The following ANK3 variants were observed in gnomAD, a reference collection of about 807,000 sequenced individuals.
The protein encoded by ANK3 is ankyrin 3, also known as ankyrin-3.
A neutral mutation model predicts 370.9 loss-of-function variants in ANK3; 57 were observed. The ratio of observed to expected loss-of-function variants is 0.15; its 90% confidence interval spans 0.12 to 0.19. The LOEUF (loss-of-function observed/expected upper bound fraction) is 0.19, where lower values mean the gene tolerates loss of function less well. Ranked by LOEUF, ANK3 falls within the 10% of genes least tolerant of loss-of-function variation. The pLI, the probability that ANK3 is intolerant of heterozygous loss-of-function variation, is 1.00. For synonymous variants in ANK3, 1,929 were observed against 1,946.3 expected, an observed-to-expected ratio of 0.99 and a Z score of 0.23; for missense variants, 4,439 against 5,302.1, an observed-to-expected ratio of 0.84 and a Z score of 5.06.
intron 2 of ANK3, among the ~76,000 whole-genome samples, chr10:60,537,157 T>C (rs2133209421): frequency 1.3e-5 from 2 of 152,154 alleles, no homozygotes; most frequent in Non-Finnish European, 2.9e-5. Flanking sequence ...CACATTCAAT[T>C]AAACAAAAGT....
intron 25 of ANK3, among the ~76,000 whole-genome samples, chr10:60,123,064 A>G (rs1357739852): frequency 6.6e-6 from 1 of 152,186 alleles, no homozygotes; most frequent in Admixed American, 6.5e-5. Context: ...AGAGTAATGG[A>G]GCCATTTGAC....
At chr10:60,504,194 T>C (rs984491431) in intron 2 of ANK3, among the ~76,000 whole-genome samples, 9 of 152,300 alleles carry the variant, frequency 5.9e-5, no homozygotes, top group South Asian at 2.1e-4. Context: ...GAGTAAAACC[T>C]TGATGGACAT....
chr10:60,581,284 C>T (rs747276436), intron 2 of ANK3, among the ~76,000 whole-genome samples: 57 of 152,232 alleles, frequency 3.7e-4, no homozygotes, highest in Middle Eastern at 6.8e-3. Flanking sequence ...GGCCATTTCT[C>T]GCACACCACC....
chr10:60,116,159 T>C (rs756039114), intron 25 of ANK3, among the ~76,000 whole-genome samples: 3 of 152,088 alleles, frequency 2.0e-5, no homozygotes, highest in Non-Finnish European at 4.4e-5. Context: ...GGCAGGAGAC[T>C]AGAAGGCTAG....
At chr10:60,715,215 A>ATGCG (rs1554815935) in intron 1 of ANK3, among the ~76,000 whole-genome samples, 35 of 147,298 alleles carry the variant, frequency 2.4e-4, no homozygotes, top group African/African-American at 8.8e-4. Flanking sequence ...ACATATACAA[A>ATGCG]TGTGTGTGTG....
intron 41 of ANK3, among the ~76,000 whole-genome samples, chr10:60,058,665 T>C (rs2079694851): frequency 1.3e-5 from 2 of 152,216 alleles, no homozygotes; most frequent in African/African-American, 4.8e-5. Flanking sequence ...AATCTGCATT[T>C]TAAGTTTTAA....
chr10:60,272,453 T>TTTG (rs145292305), intron 4 of ANK3, among the ~76,000 whole-genome samples: 17,003 of 144,130 alleles, frequency 0.12, 1,138 homozygotes, highest in South Asian at 0.16. Flanking sequence ...TTAGAAGTTT[T>TTTG]TTGTTGTTGT....
At chr10:60,684,394 A>G in intron 1 of ANK3, 2 of 593,486 alleles carry the variant, frequency 3.4e-6, no homozygotes, top group East Asian at 3.9e-5. Context: ...CGTTGAGTGA[A>G]GGGGAGGGAA....
At chr10:60,360,113 CCA>C (rs1302143341) in intron 1 of ANK3, among the ~76,000 whole-genome samples, 1 of 152,160 alleles carries the variant, frequency 6.6e-6, no homozygotes, top group Non-Finnish European at 1.5e-5. Context: ...AGCTTCTTAA[CCA>C]CAGTTTCAAA....
chr10:60,260,990 C>T lies in ANK3; in HGVS notation c.798+869G>A, dbSNP rs560735211. Among the ~76,000 whole-genome samples the T allele has an allele frequency of 5.9e-5, 9 of 152,268 alleles. No homozygotes were observed. The East Asian group carries it at 7.7e-4, about 13-fold the overall frequency. On this transcript the variant is annotated intron_variant, in intron 7 of 43. Transcript: ENST00000280772. ...TTAGTGATGATACTACATCAGGCAC[C>T]GGCTGAGTGATTTACATATGCTATC...
chr10:60,707,095 T>C (rs970630581), intron 1 of ANK3, among the ~76,000 whole-genome samples: 1 of 152,152 alleles, frequency 6.6e-6, no homozygotes, highest in Non-Finnish European at 1.5e-5. Context: ...GTAATGTCAC[T>C]TTTTTGCCAA....
In ANK3 at chr10:60,074,012, A is replaced by G; in HGVS notation, c.6869T>C (p.Leu2290Pro). The G allele has an allele frequency of 3.1e-6, 5 of 1,614,100 alleles. No homozygotes were observed. The highest frequency in any genetic ancestry group is 4.2e-6 in the Non-Finnish European group (5 of 1,180,002). ...FQSGRDPSKE[L>P]AGLFEHKSAV... is the part of the protein sequence containing the mutation. ...CGACTTATGTTCAAACAGACCTGCC[A>G]GTTCTTTGGAAGGATCCCGCCCGGA... Residue 2290 changes from leucine to proline, a missense_variant, in exon 37 of 44, where the codon CTG becomes CCG. Coordinates refer to ENST00000280772, the MANE Select transcript of ANK3 (RefSeq NM_020987.5).
intron 8 of ANK3, among the ~76,000 whole-genome samples, chr10:60,223,568 A>G (rs1185538349): frequency 6.6e-6 from 1 of 152,218 alleles, no homozygotes; most frequent in African/African-American, 2.4e-5. Flanking sequence ...TACTGAGTAA[A>G]TGAATGAATG....
In ANK3 at chr10:60,029,634, T is replaced by C. The variant is rs2072813027; in HGVS notation, c.*212A>G. 1 of 152,570 alleles carries C rather than the reference T, an allele frequency of 6.6e-6. No individual in the cohort carries two copies. Among genetic ancestry groups the C allele is most frequent in the Admixed American group, 6.5e-5 (1 of 15,274 alleles). The allele number at this position is 152,570 out of a possible 1,614,324, so 9.5% of individuals were successfully genotyped here. A position where few individuals can be genotyped will look rare whatever the true frequency, so the allele number is the denominator to read the frequency against. ...GCGCCAATCCGGAAATGAAAGTGAT[T>C]TCCATGCTCTGTAAATTGGCTCATG... On this transcript the variant is annotated 3_prime_UTR_variant, in exon 44 of 44. Transcript: ENST00000280772.
chr10:60,134,321 C>T lies in ANK3; in HGVS notation c.2791G>A (p.Ala931Thr). 6.2e-7 allele frequency: 1 copy of T among 1,613,918 alleles called. No homozygotes were observed. Residue 931 changes from alanine (A) to threonine (T), a missense_variant, in exon 25 of 44, where the codon GCA (alanine) becomes ACA (threonine). Ala to Thr is a moderately conservative substitution (Grantham distance 58). Around this residue, in one of 13 missense-constraint regions of ANK3, gnomAD observed 702 missense variants for 941.5 expected, o/e 0.75. Coordinates refer to ENST00000280772, the MANE Select transcript of ANK3 (RefSeq NM_020987.5). ...TCTTCAATCATCATGCTGTCCCGTG[C>T]ATAGGAGCTTCTGTTCAAGGTGTAA... ...RSYTLNRSSYARDSMMIEELL... is the reference protein window; with the variant it reads ...RSYTLNRSSYTRDSMMIEELL...
At chr10:60,467,589 T>G (rs2065039295) in intron 2 of ANK3, among the ~76,000 whole-genome samples, 1 of 152,222 alleles carries the variant, frequency 6.6e-6, no homozygotes, top group African/African-American at 2.4e-5. Flanking sequence ...TAATCTTTTA[T>G]GAAAACATCT....
At chr10:60,607,428 A>G (rs915133203) in intron 2 of ANK3, among the ~76,000 whole-genome samples, 6 of 152,140 alleles carry the variant, frequency 3.9e-5, no homozygotes, top group African/African-American at 1.4e-4. Context: ...AAAAAAAATT[A>G]CTAACGGAGG....
chr10:60,466,256 C>T (rs543196809), intron 2 of ANK3, among the ~76,000 whole-genome samples: 121 of 152,210 alleles, frequency 7.9e-4, no homozygotes, highest in African/African-American at 2.8e-3. Flanking sequence ...GATTCATTTT[C>T]TTTCTCTTCA....
intron 2 of ANK3, among the ~76,000 whole-genome samples, chr10:60,473,709 C>T (rs1268703082): frequency 6.6e-6 from 1 of 152,036 alleles, no homozygotes; most frequent in Non-Finnish European, 1.5e-5. Context: ...AACCCAAGGG[C>T]AAATGTGGAC....
Sources: gnomAD v4.1 joint callset for allele counts (sites outside exome capture counted in the v4.1 genomes callset) on GRCh38, gnomAD v4.1.1 for gene constraint, gnomAD v4.1.1 regional missense constraint, MANE v1.5 for transcripts, NCBI Gene and HGNC (gene_info 2026-07-23, HGNC 2026-07-21) for gene names.